The following MACROD2 variants were observed in gnomAD, a reference collection of about 807,000 sequenced individuals.
MACROD2 encodes the protein ADP-ribose glycohydrolase MACROD2.
A neutral mutation model predicts 70.4 loss-of-function variants in MACROD2; 36 were observed. The ratio of observed to expected loss-of-function variants is 0.51; its 90% CI spans 0.39 to 0.68. The LOEUF (loss-of-function observed/expected upper bound fraction) is 0.68, where lower values mean the gene tolerates loss of function less well. Ranked by LOEUF, MACROD2 falls within the 30% of genes least tolerant of loss-of-function variation. MACROD2 has a pLI of 0.00. For missense variants in MACROD2, 496 were observed against 538.4 expected, an observed-to-expected ratio of 0.92 and a Z score of 0.78; for synonymous variants, 172 against 178.8, an observed-to-expected ratio of 0.96 and a Z score of 0.30.
At chr20:16,008,117 T>C (rs1473929696) in intron 15 of MACROD2, among the ~76,000 whole-genome samples, 1 of 152,220 alleles carries the variant, frequency 6.6e-6, no homozygotes. Context: ...ACGTTTCTGC[T>C]GACTCATCCC....
intron 2 of MACROD2, chr20:14,003,753 A>T: frequency 2.3e-6 from 1 of 433,502 alleles, no homozygotes; most frequent in South Asian, 1.7e-5. Flanking sequence ...CTCTGTAAAG[A>T]CCTTTAATAA....
intron 5 of MACROD2, among the ~76,000 whole-genome samples, chr20:14,742,148 A>G (rs902155381): frequency 6.6e-6 from 1 of 152,160 alleles, no homozygotes; most frequent in African/African-American, 2.4e-5. Context: ...CTGTTTTTGG[A>G]AGAAATTTTA....
In MACROD2 at chr20:14,980,073, C is replaced by A. The variant is rs922388643; in HGVS notation, c.419-249867C>A. Among the ~76,000 whole-genome samples, 8 of 152,096 alleles carry A rather than the reference C, an allele frequency of 5.3e-5. 1 individual carries two copies. On this transcript the variant is annotated intron_variant, in intron 5 of 17. Coordinates refer to ENST00000684519, the MANE Select transcript of MACROD2 (RefSeq NM_001351661.2). ...ACTTGTAAGCACTTTGTAAGTATTACCATATTTAATTCTCATGACAATCTT... is the reference window on the plus strand; with the variant it reads ...ACTTGTAAGCACTTTGTAAGTATTAACATATTTAATTCTCATGACAATCTT...
At chr20:15,233,453 C>T (rs1007850065) in intron 6 of MACROD2, among the ~76,000 whole-genome samples, 2 of 151,862 alleles carry the variant, frequency 1.3e-5, no homozygotes, top group Non-Finnish European at 2.9e-5. Context: ...GGAGATCATT[C>T]TTGAATAGTA....
intron 5 of MACROD2, among the ~76,000 whole-genome samples, chr20:15,016,140 A>C (rs2075119233): frequency 6.6e-6 from 1 of 152,214 alleles, no homozygotes; most frequent in Non-Finnish European, 1.5e-5. Flanking sequence ...TTTCTAGACA[A>C]CAAGGACAGT....
intron 5 of MACROD2, among the ~76,000 whole-genome samples, chr20:14,864,415 A>G (rs1222480435): frequency 2.0e-5 from 3 of 152,140 alleles, no homozygotes; most frequent in African/African-American, 7.2e-5. Flanking sequence ...GGATTTATAA[A>G]TCAGTAAATT....
intron 2 of MACROD2, among the ~76,000 whole-genome samples, chr20:14,008,837 G>A (rs1372366834): frequency 8.2e-6 from 1 of 122,520 alleles, no homozygotes; most frequent in Non-Finnish European, 1.7e-5. Context: ...TGTGATCTCC[G>A]ACAAACCTGG....
intron 3 of MACROD2, among the ~76,000 whole-genome samples, chr20:14,412,599 C>A (rs942128605): frequency 6.6e-6 from 1 of 152,132 alleles, no homozygotes; most frequent in Non-Finnish European, 1.5e-5. Context: ...TCAGAGGAAC[C>A]TAAATATAGT....
At chr20:15,507,608 G>A (rs572328408) in intron 8 of MACROD2, among the ~76,000 whole-genome samples, 16 of 151,610 alleles carry the variant, frequency 1.1e-4, no homozygotes, top group African/African-American at 3.9e-4. Context: ...TTTGTGACAA[G>A]CAGTTATTGT....
chr20:15,619,519 G>T, intron 8 of MACROD2: 2 of 367,526 alleles, frequency 5.4e-6, no homozygotes, highest in South Asian at 3.1e-5. Context: ...GGTGATGAGT[G>T]AGGATTTTCT....
chr20:15,899,147 GTATA>G (rs74196729), intron 10 of MACROD2, among the ~76,000 whole-genome samples: 1 of 151,692 alleles, frequency 6.6e-6, no homozygotes, highest in Non-Finnish European at 1.5e-5. Context: ...ATATATGGGT[GTATA>G]TATATCTGTA....
chr20:14,520,987 C>CACA (rs2085163429), intron 4 of MACROD2, among the ~76,000 whole-genome samples: 1 of 145,120 alleles, frequency 6.9e-6, no homozygotes, highest in African/African-American at 2.6e-5. Flanking sequence ...ACACACACAC[C>CACA]CCCCAAATAG....
intron 2 of MACROD2, among the ~76,000 whole-genome samples, chr20:14,069,188 C>A (rs1054849370): frequency 1.3e-5 from 2 of 152,242 alleles, no homozygotes; most frequent in Non-Finnish European, 2.9e-5. Flanking sequence ...TTCAAGTGAT[C>A]AGCCTGCCTC....
intron 7 of MACROD2, among the ~76,000 whole-genome samples, chr20:15,478,481 T>G (rs1297926702): frequency 1.3e-5 from 2 of 152,118 alleles, no homozygotes; most frequent in Non-Finnish European, 2.9e-5. Context: ...GGAAGATGGG[T>G]GCACTGGAAT....
At chr20:14,705,192 C>A (rs907097509) in intron 5 of MACROD2, among the ~76,000 whole-genome samples, 11 of 152,150 alleles carry the variant, frequency 7.2e-5, no homozygotes, top group Non-Finnish European at 1.3e-4. Flanking sequence ...GATCTCTAGG[C>A]GTGTTTATTC....
intron 3 of MACROD2, among the ~76,000 whole-genome samples, chr20:14,176,317 G>A (rs1287541776): frequency 6.6e-6 from 1 of 152,182 alleles, no homozygotes; most frequent in Non-Finnish European, 1.5e-5. Flanking sequence ...TGGCATAAGT[G>A]TTTGAACTAA....
chr20:15,497,787 T>A (rs1369469551), intron 7 of MACROD2, among the ~76,000 whole-genome samples: 1 of 152,194 alleles, frequency 6.6e-6, no homozygotes, highest in Non-Finnish European at 1.5e-5. Context: ...TCTTTCTAAC[T>A]TAGTCCTCTT....
intron 5 of MACROD2, among the ~76,000 whole-genome samples, chr20:15,057,785 A>G (rs1190642850): frequency 1.3e-5 from 2 of 152,120 alleles, no homozygotes; most frequent in Non-Finnish European, 2.9e-5. Flanking sequence ...GTAGTCTTTC[A>G]TCCTTGGAGC....
At chr20:14,485,478 A>C (rs868698233) in intron 3 of MACROD2, among the ~76,000 whole-genome samples, 2 of 152,094 alleles carry the variant, frequency 1.3e-5, no homozygotes, top group Admixed American at 6.6e-5. Flanking sequence ...GAGGCGGGCG[A>C]ATCACGAGGT....
Sources: allele counts gnomAD v4.1 joint callset (sites outside exome capture counted in the v4.1 genomes callset), GRCh38; gene constraint gnomAD v4.1.1; transcripts MANE v1.5; gene names NCBI Gene and HGNC (gene_info 2026-07-23, HGNC 2026-07-21).